Variants in AGBL4 observed in about 807,000 individuals in gnomAD.
AGBL4 encodes AGBL carboxypeptidase 4.
In AGBL4, 58 loss-of-function variants were observed where a neutral mutation model predicts 66.4. That is an observed-to-expected ratio of 0.87 (90% CI 0.71 to 1.09). The LOEUF (loss-of-function observed/expected upper bound fraction) is 1.09. Ranked by LOEUF, AGBL4 falls within the 50% of genes least tolerant of loss-of-function variation. The pLI, the probability that AGBL4 is intolerant of heterozygous loss-of-function variation, is 0.00. For missense variants in AGBL4, 579 were observed against 631.0 expected (o/e 0.92, Z 0.88); for synonymous variants, 234 against 222.9 (o/e 1.05, Z -0.44).
At chr1:49,943,632 C>G (rs947298002) in intron 1 of AGBL4, among the ~76,000 whole-genome samples, 23 of 151,720 alleles carry the variant, frequency 1.5e-4, no homozygotes, top group African/African-American at 5.3e-4. Flanking sequence ...GCCCTGAGAG[C>G]TCTCTGAGTA....
At chr1:49,314,051 G>T (rs546142561) in intron 3 of AGBL4, among the ~76,000 whole-genome samples, 1 of 152,134 alleles carries the variant, frequency 6.6e-6, no homozygotes, top group Admixed American at 6.6e-5. Context: ...TGTATAAGTT[G>T]TAAGGAAGGG....
chr1:48,539,707 G>T lies in AGBL4; in HGVS notation c.1299C>A (p.Thr433=), dbSNP rs190160254. The T allele has an allele frequency of 1.9e-6, 3 of 1,543,938 alleles. No individual in the cohort carries two copies. Among genetic ancestry groups the T allele is most frequent in the Non-Finnish European group, 2.6e-6 (3 of 1,141,902 alleles). ...GGTTCAGCCGATAATAGTCCAAAAA[G>T]GTTCTTGCCACATTCCGCCCCAGCT... ...YMKLGRNVAR[T]FLDYYRLNPV... is the part of the protein sequence containing the mutation. Residue 433 remains threonine (T), a synonymous_variant, in exon 12 of 14, where the codon ACC becomes ACA. Transcript: ENST00000371839.
chr1:49,195,020 T>C (rs1220460407), intron 4 of AGBL4, among the ~76,000 whole-genome samples: 1 of 152,090 alleles, frequency 6.6e-6, no homozygotes, highest in Non-Finnish European at 1.5e-5. Flanking sequence ...AATTTTTTTT[T>C]CTGCAGAGAT....
At chr1:49,315,180 T>C (rs1055467942) in intron 3 of AGBL4, among the ~76,000 whole-genome samples, 11 of 152,214 alleles carry the variant, frequency 7.2e-5, no homozygotes, top group Admixed American at 2.6e-4. Context: ...TTGGGAAAAC[T>C]GGCTAGCCAT....
chr1:48,680,203 C>G (rs1218049119), intron 6 of AGBL4, among the ~76,000 whole-genome samples: 2 of 152,138 alleles, frequency 1.3e-5, no homozygotes, highest in African/African-American at 2.4e-5. Context: ...TTAACCCTGT[C>G]AAAAAATGAG....
chr1:48,904,786 A>AT (rs1347736878), intron 5 of AGBL4, among the ~76,000 whole-genome samples: 1 of 152,218 alleles, frequency 6.6e-6, no homozygotes, highest in Non-Finnish European at 1.5e-5. Context: ...TCTAAGACCA[A>AT]TTTTGATTTC....
chr1:48,888,137 A>G (rs1390418057), intron 5 of AGBL4, among the ~76,000 whole-genome samples: 1 of 152,194 alleles, frequency 6.6e-6, no homozygotes, highest in African/African-American at 2.4e-5. Flanking sequence ...CAAGCAACTC[A>G]GTTAGGCTAA....
At chr1:48,713,898 T>C (rs1471779279) in intron 6 of AGBL4, among the ~76,000 whole-genome samples, 1 of 152,210 alleles carries the variant, frequency 6.6e-6, no homozygotes, top group Non-Finnish European at 1.5e-5. Context: ...CATAAGACTG[T>C]GCAATAGATA....
intron 4 of AGBL4, among the ~76,000 whole-genome samples, chr1:49,079,593 C>A (rs1415020630): frequency 1.3e-5 from 2 of 152,142 alleles, no homozygotes; most frequent in African/African-American, 4.8e-5. Context: ...TCCCTTGACA[C>A]ATGGGGATTA....
intron 6 of AGBL4, among the ~76,000 whole-genome samples, chr1:48,710,282 G>T (rs931428863): frequency 3.9e-5 from 6 of 152,176 alleles, no homozygotes; most frequent in Admixed American, 3.3e-4. Context: ...TCTGAGCTCT[G>T]AAGTTCCCCT....
intron 1 of AGBL4, among the ~76,000 whole-genome samples, chr1:49,972,802 T>C (rs1398516594): frequency 1.3e-5 from 2 of 152,074 alleles, no homozygotes; most frequent in Non-Finnish European, 2.9e-5. Context: ...GTATATAGGG[T>C]TCAATACTAT....
chr1:49,722,664 A>T (rs1480055139), intron 2 of AGBL4, among the ~76,000 whole-genome samples: 1 of 152,108 alleles, frequency 6.6e-6, no homozygotes, highest in African/African-American at 2.4e-5. Context: ...TGTACTATTG[A>T]TTTTACATTG....
Position 49,436,550 on chromosome 1 carries a change from C to G in AGBL4, c.283-190686G>C, listed in dbSNP as rs142422248. On this transcript the variant is annotated intron_variant, in intron 3 of 13. Coordinates refer to ENST00000371839, the MANE Select transcript of AGBL4 (RefSeq NM_032785.4). ...CATCCATATATCCTCATTGAAAGTACTAATAAAGGATTTACTTTCACACAA... is the reference window on the plus strand; with the variant it reads ...CATCCATATATCCTCATTGAAAGTAGTAATAAAGGATTTACTTTCACACAA... Among the ~76,000 whole-genome samples, 534 of 151,944 alleles carry G rather than the reference C, an allele frequency of 3.5e-3. 1 individual carries two copies. The highest frequency in any genetic ancestry group is 0.017 in the Middle Eastern group (5 of 294).
At chr1:48,706,016 C>T (rs1220779828) in intron 6 of AGBL4, among the ~76,000 whole-genome samples, 1 of 152,010 alleles carries the variant, frequency 6.6e-6, no homozygotes, top group Non-Finnish European at 1.5e-5. Flanking sequence ...TCAGACATTC[C>T]TACTTAGGCA....
chr1:49,022,941 G>C (rs1203976933), intron 5 of AGBL4, among the ~76,000 whole-genome samples: 2 of 152,248 alleles, frequency 1.3e-5, no homozygotes, highest in Admixed American at 1.3e-4. Context: ...AGAGTTTAAT[G>C]AACTTGTCCA....
chr1:49,006,056 C>T (rs1046366287), intron 5 of AGBL4, among the ~76,000 whole-genome samples: 10 of 152,010 alleles, frequency 6.6e-5, no homozygotes, highest in African/African-American at 1.9e-4. Context: ...CTCGGGTCTA[C>T]AGCTCCCAGC....
intron 3 of AGBL4, among the ~76,000 whole-genome samples, chr1:49,537,514 GA>G (rs1218055072): frequency 6.6e-6 from 1 of 152,076 alleles, no homozygotes; most frequent in East Asian, 1.9e-4. Flanking sequence ...CCTTTCAAAA[GA>G]AGGCACAAAA....
chr1:48,958,079 C>T (rs563351826), intron 5 of AGBL4, among the ~76,000 whole-genome samples: 4 of 152,002 alleles, frequency 2.6e-5, no homozygotes, highest in South Asian at 2.1e-4. Flanking sequence ...AGGATGGTCT[C>T]GATCTGCTGA....
At chr1:49,810,940 A>C (rs1450612755) in intron 2 of AGBL4, among the ~76,000 whole-genome samples, 1 of 152,216 alleles carries the variant, frequency 6.6e-6, no homozygotes, top group East Asian at 1.9e-4. Flanking sequence ...AGACAATCAC[A>C]GTAGTCACAG....
Sources: allele counts gnomAD v4.1 joint callset (sites outside exome capture counted in the v4.1 genomes callset), GRCh38; gene constraint gnomAD v4.1.1; transcripts MANE v1.5; gene names NCBI Gene and HGNC (gene_info 2026-07-23, HGNC 2026-07-21).